The following RBFOX1 variants were observed in gnomAD, a reference collection of about 807,000 sequenced individuals.
RBFOX1 encodes the protein RNA binding fox-1 homolog 1.
RBFOX1 carries 8 observed loss-of-function variants against 57.7 expected under a neutral mutation model. The ratio of observed to expected loss-of-function variants is 0.14; its 90% confidence interval spans 0.08 to 0.25. RBFOX1 has a LOEUF of 0.25. Among genes scored for constraint, RBFOX1 ranks in the 10% least tolerant of loss-of-function variants. RBFOX1 has a pLI of 1.00. For missense variants in RBFOX1, 611 were observed against 548.5 expected (o/e 1.11, Z -1.14); for synonymous variants, 326 against 222.4 (o/e 1.47, Z -4.15).
At chr16:6,575,531 A>G (rs985711072) in intron 2 of RBFOX1, among the ~76,000 whole-genome samples, 1 of 152,102 alleles carries the variant, frequency 6.6e-6, no homozygotes, top group Non-Finnish European at 1.5e-5. Flanking sequence ...ATTAAACATG[A>G]AAACACATGT....
intron 2 of RBFOX1, among the ~76,000 whole-genome samples, chr16:5,473,813 G>A (rs2069223713): frequency 6.6e-6 from 1 of 151,194 alleles, no homozygotes; most frequent in African/African-American, 2.4e-5. Context: ...AAGGTGGGTG[G>A]GTGGAAGGAT....
At chr16:6,634,362 C>T (rs951604281) in intron 2 of RBFOX1, among the ~76,000 whole-genome samples, 4 of 152,006 alleles carry the variant, frequency 2.6e-5, no homozygotes, top group African/African-American at 7.2e-5. Context: ...ACTGTCAGCT[C>T]TGTGACCTTG....
chr16:6,439,009 T>G (rs541407513), intron 2 of RBFOX1, among the ~76,000 whole-genome samples: 1 of 152,338 alleles, frequency 6.6e-6, no homozygotes, highest in African/African-American at 2.4e-5. Context: ...TAGAATAGCC[T>G]GGTTTTCTGT....
chr16:6,013,339 C>G (rs1007490585), intron 4 of RBFOX1, among the ~76,000 whole-genome samples: 1 of 152,208 alleles, frequency 6.6e-6, no homozygotes, highest in African/African-American at 2.4e-5. Flanking sequence ...TTACTTGAAT[C>G]TGATGAAGCT....
intron 14 of RBFOX1, among the ~76,000 whole-genome samples, chr16:7,688,923 C>G (rs940705429): frequency 9.9e-5 from 15 of 152,024 alleles, no homozygotes; most frequent in African/African-American, 3.6e-4. Flanking sequence ...CACCTCACTG[C>G]TGATTAAATA....
At chr16:5,889,245 C>T (rs2057983447) in intron 4 of RBFOX1, among the ~76,000 whole-genome samples, 2 of 152,160 alleles carry the variant, frequency 1.3e-5, no homozygotes, top group African/African-American at 4.8e-5. Context: ...CCTCCCCACA[C>T]TCTCCGGCAG....
At chr16:6,993,657 A>G (rs1031602419) in intron 3 of RBFOX1, among the ~76,000 whole-genome samples, 1 of 152,122 alleles carries the variant, frequency 6.6e-6, no homozygotes, top group African/African-American at 2.4e-5. Context: ...TGTGATTTGC[A>G]CTATTTAGCA....
At chr16:6,565,959 C>G (rs1391154494) in intron 2 of RBFOX1, among the ~76,000 whole-genome samples, 4 of 152,172 alleles carry the variant, frequency 2.6e-5, no homozygotes, top group Admixed American at 6.5e-5. Context: ...ATATTTCTCT[C>G]TGTTCATCCT....
intron 4 of RBFOX1, among the ~76,000 whole-genome samples, chr16:7,506,510 T>A (rs2073347407): frequency 6.6e-6 from 1 of 152,154 alleles, no homozygotes; most frequent in Non-Finnish European, 1.5e-5. Context: ...TCATAATTGG[T>A]GTGCAAGAAA....
intron 5 of RBFOX1, among the ~76,000 whole-genome samples, chr16:7,575,428 C>T (rs887803091): frequency 1.3e-5 from 2 of 151,952 alleles, no homozygotes; most frequent in East Asian, 1.9e-4. Flanking sequence ...CCACCGCACC[C>T]GACCCTAGTA....
chr16:7,418,691 G>GA (rs527597234), intron 4 of RBFOX1, among the ~76,000 whole-genome samples: 11 of 151,892 alleles, frequency 7.2e-5, no homozygotes, highest in African/African-American at 2.4e-4. Flanking sequence ...TGCAAACCTG[G>GA]AAAAAAAATT....
At chr16:7,146,243 C>G (rs905466772) in intron 4 of RBFOX1, among the ~76,000 whole-genome samples, 1 of 152,148 alleles carries the variant, frequency 6.6e-6, no homozygotes, top group Admixed American at 6.5e-5. Context: ...TATGCAGGAA[C>G]AGCAGATGCC....
chr16:5,303,123 G>A (rs1363985318), intron 1 of RBFOX1, among the ~76,000 whole-genome samples: 1 of 152,194 alleles, frequency 6.6e-6, no homozygotes, highest in Non-Finnish European at 1.5e-5. Flanking sequence ...AAAATGACCA[G>A]TATTATTTAT....
intron 4 of RBFOX1, among the ~76,000 whole-genome samples, chr16:7,325,442 G>C (rs1243496654): frequency 1.3e-5 from 2 of 152,202 alleles, no homozygotes; most frequent in Non-Finnish European, 2.9e-5. Flanking sequence ...GGCATGGTAA[G>C]AAGTTGCCAG....
At position 6,591,680 on chromosome 16, in the gene RBFOX1, C is replaced by G. The variant is rs576227841; in HGVS notation, c.-63-62923C>G. On this transcript the variant is annotated intron_variant, in intron 2 of 15. Coordinates refer to ENST00000550418, the MANE Select transcript of RBFOX1 (RefSeq NM_018723.4). ...TTGTGACACGGGGCAACTCTAGTAT[C>G]TTCTGCTTTTTCTACAGCTTAATTT... Among the ~76,000 whole-genome samples, 6 of 152,282 alleles carry G rather than the reference C, an allele frequency of 3.9e-5. No homozygotes were observed. In the South Asian group the frequency reaches 1.0e-3, roughly 26 times the overall value.
intron 1 of RBFOX1, among the ~76,000 whole-genome samples, chr16:6,283,242 G>A (rs979673355): frequency 5.3e-5 from 8 of 152,216 alleles, no homozygotes; most frequent in East Asian, 3.9e-4. Context: ...TGGGAGGATC[G>A]CTTGAACCCC....
chr16:6,820,872 T>C (rs2091173346), intron 3 of RBFOX1, among the ~76,000 whole-genome samples: 1 of 152,162 alleles, frequency 6.6e-6, no homozygotes, highest in Admixed American at 6.6e-5. Flanking sequence ...CCCATAGTGT[T>C]GCTGTTTTTC....
intron 3 of RBFOX1, among the ~76,000 whole-genome samples, chr16:6,665,440 C>G (rs1015740184): frequency 2.6e-5 from 4 of 151,962 alleles, no homozygotes; most frequent in African/African-American, 7.3e-5. Flanking sequence ...ATGGTGAAAC[C>G]CCATCGCTGC....
chr16:5,799,446 T>C (rs188962335), intron 3 of RBFOX1, among the ~76,000 whole-genome samples: 4 of 152,318 alleles, frequency 2.6e-5, no homozygotes, highest in East Asian at 1.9e-4. Context: ...CCCCGAATTA[T>C]GATGGTTTGA....
Sources: gnomAD v4.1 joint callset for allele counts (sites outside exome capture counted in the v4.1 genomes callset) on GRCh38, gnomAD v4.1.1 for gene constraint, MANE v1.5 for transcripts, NCBI Gene and HGNC (gene_info 2026-07-23, HGNC 2026-07-21) for gene names.